Variants in CFAP299 observed in about 807,000 individuals in gnomAD.
The protein encoded by CFAP299 is cilia and flagella associated protein 299.
Under a neutral mutation model 27.0 loss-of-function variants are expected in CFAP299, and 21 were observed. The ratio of observed to expected loss-of-function variants is 0.78; its 90% CI spans 0.55 to 1.12. CFAP299 has a LOEUF of 1.12. CFAP299 is among the 50% of genes most tolerant of loss of function. The pLI is 0.00. For synonymous variants in CFAP299, 104 were observed against 98.1 expected, an observed-to-expected ratio of 1.06 and a Z score of -0.36; for missense variants, 310 against 276.6, an observed-to-expected ratio of 1.12 and a Z score of -0.86.
intron 2 of CFAP299, among the ~76,000 whole-genome samples, chr4:80,473,161 G>A (rs182139741): frequency 1.2e-4 from 19 of 152,148 alleles, no homozygotes; most frequent in African/African-American, 3.1e-4. Context: ...GAACTCAGAG[G>A]AGGCACCCCT....
chr4:80,590,314 A>C (rs1180998780), intron 3 of CFAP299, among the ~76,000 whole-genome samples: 1 of 152,192 alleles, frequency 6.6e-6, no homozygotes, highest in Non-Finnish European at 1.5e-5. Flanking sequence ...AAATGAATTT[A>C]TACAGGTAAA....
At chr4:80,900,817 A>C (rs1734852820) in intron 4 of CFAP299, among the ~76,000 whole-genome samples, 1 of 151,908 alleles carries the variant, frequency 6.6e-6, no homozygotes. Flanking sequence ...TTCTAATTAG[A>C]CAAGTTTGTT....
intron 2 of CFAP299, among the ~76,000 whole-genome samples, chr4:80,380,004 G>A (rs767283784): frequency 1.9e-4 from 29 of 151,990 alleles, no homozygotes; most frequent in African/African-American, 4.1e-4. Context: ...GATGAATGTC[G>A]TTATGTCCAA....
intron 3 of CFAP299, among the ~76,000 whole-genome samples, chr4:80,799,588 T>A (rs1205910559): frequency 1.6e-4 from 10 of 60,828 alleles, no homozygotes; most frequent in Admixed American, 3.1e-4. Context: ...TAAAATATAT[T>A]ATATAAAATA....
intron 2 of CFAP299, among the ~76,000 whole-genome samples, chr4:80,524,009 C>G (rs1433208610): frequency 6.6e-6 from 1 of 151,974 alleles, no homozygotes; most frequent in Non-Finnish European, 1.5e-5. Context: ...TGGGTTAATA[C>G]TGAAACAGTC....
chr4:80,508,704 G>A (rs1264435388), intron 2 of CFAP299, among the ~76,000 whole-genome samples: 3 of 152,028 alleles, frequency 2.0e-5, no homozygotes, highest in African/African-American at 7.2e-5. Context: ...GACTCCAGGA[G>A]TGCACCACCA....
At chr4:80,333,392 A>G (rs1188909845), upstream of CFAP299, among the ~76,000 whole-genome samples, 1 of 152,186 alleles carries the variant, frequency 6.6e-6, no homozygotes, top group Non-Finnish European at 1.5e-5. Flanking sequence ...CTCTTGTCCT[A>G]TTAGAGTAAG....
chr4:80,918,158 G>T (rs765809715), intron 4 of CFAP299, among the ~76,000 whole-genome samples: 3 of 152,090 alleles, frequency 2.0e-5, no homozygotes, highest in Non-Finnish European at 2.9e-5. Flanking sequence ...ATCTTATGTT[G>T]TCCTGGTTTC....
At chr4:80,599,929 T>G (rs1165743369) in intron 3 of CFAP299, among the ~76,000 whole-genome samples, 1 of 152,012 alleles carries the variant, frequency 6.6e-6, no homozygotes, top group Non-Finnish European at 1.5e-5. Context: ...ATACTTGAAA[T>G]TGGGATACAA....
chr4:80,677,789 T>C (rs1053008216), intron 3 of CFAP299, among the ~76,000 whole-genome samples: 4 of 152,116 alleles, frequency 2.6e-5, no homozygotes, highest in Non-Finnish European at 5.9e-5. Flanking sequence ...GTTTATTTTA[T>C]AGCAGACACA....
rs1734922692 is a variant in CFAP299, at chr4:80,559,160, G to T, written c.243-23933G>T. On this transcript the variant is annotated intron_variant, in intron 2 of 5. Coordinates refer to ENST00000358105, the MANE Select transcript of CFAP299 (RefSeq NM_152770.3). ...TCCTCAGCTGGGAATGGCTGGAACA[G>T]CTAGGGGTTGGTTTCTCTTTTCATG... is the stretch of plus-strand genomic sequence containing the variant. Among the ~76,000 whole-genome samples the T allele has an allele frequency of 4.6e-5, 7 of 152,268 alleles. No homozygotes were observed. In the South Asian group the frequency reaches 1.5e-3, roughly 32 times the overall value.
chr4:80,505,323 C>A (rs990428431), intron 2 of CFAP299, among the ~76,000 whole-genome samples: 1 of 152,016 alleles, frequency 6.6e-6, no homozygotes, highest in Admixed American at 6.6e-5. Context: ...GAAAAAGGAA[C>A]TAACTTGGTA....
intron 3 of CFAP299, among the ~76,000 whole-genome samples, chr4:80,665,084 T>C (rs1215180545): frequency 6.6e-6 from 1 of 152,174 alleles, no homozygotes; most frequent in Non-Finnish European, 1.5e-5. Flanking sequence ...CTCAATGAGA[T>C]GAGCTGGGTA....
chr4:80,821,177 C>G lies in CFAP299; in HGVS notation c.334-48816C>G, dbSNP rs150602231. On this transcript the variant is annotated intron_variant, in intron 3 of 5. Transcript: ENST00000358105. ...TGTAATTAAGATATTAAACTTCATA[C>G]GCACTTTACCATGAGTAATCCGACT... Among the ~76,000 whole-genome samples, 21 of 152,134 alleles carry G rather than the reference C, an allele frequency of 1.4e-4. 1 individual carries two copies. Among genetic ancestry groups the G allele is most frequent in the Non-Finnish European group, 1.3e-4 (9 of 68,032 alleles).
chr4:80,420,259 G>T (rs73829281), intron 2 of CFAP299: 1 of 455,286 alleles, frequency 2.2e-6, no homozygotes, highest in Non-Finnish European at 4.4e-6. Context: ...ACAAAGAAAA[G>T]CCTCAAAGAA....
intron 3 of CFAP299, among the ~76,000 whole-genome samples, chr4:80,611,901 C>T (rs1315593806): frequency 6.6e-6 from 1 of 152,038 alleles, no homozygotes; most frequent in Non-Finnish European, 1.5e-5. Flanking sequence ...TCTTCAAGTA[C>T]AAGTGTATTT....
intron 5 of CFAP299, among the ~76,000 whole-genome samples, chr4:80,955,826 T>A (rs1179103696): frequency 6.6e-6 from 1 of 151,882 alleles, no homozygotes; most frequent in Non-Finnish European, 1.5e-5. Flanking sequence ...TGAAACCCCA[T>A]CTCTACTAAA....
At chr4:80,796,426 A>G (rs901706046) in intron 3 of CFAP299, among the ~76,000 whole-genome samples, 2 of 152,224 alleles carry the variant, frequency 1.3e-5, no homozygotes, top group African/African-American at 4.8e-5. Context: ...GATATCTTGC[A>G]GAAGTGAAAA....
chr4:80,443,800 A>G (rs1728483859), intron 2 of CFAP299, among the ~76,000 whole-genome samples: 1 of 152,178 alleles, frequency 6.6e-6, no homozygotes, highest in Non-Finnish European at 1.5e-5. Context: ...TCAGCCCAAA[A>G]TTTCTTTAAG....
Sources: allele counts gnomAD v4.1 joint callset (sites outside exome capture counted in the v4.1 genomes callset), GRCh38; gene constraint gnomAD v4.1.1; transcripts MANE v1.5; gene names NCBI Gene and HGNC (gene_info 2026-07-23, HGNC 2026-07-21).